Variants in HYCC2 observed in about 807,000 individuals in gnomAD.
The protein encoded by HYCC2 is hyccin PI4KA lipid kinase complex subunit 2, also known as hyccin 2.
chr2:201,048,422 G>A, the HYCC2 span, among the ~76,000 whole-genome samples: 1 of 151,770 alleles, frequency 6.6e-6, no homozygotes, highest in African/African-American at 2.4e-5. Context: ...TCACAGCCCA[G>A]GGAGGGCTTT....
the HYCC2 span, chr2:200,974,775 T>C: frequency 5.4e-4 from 82 of 152,114 alleles, no homozygotes; most frequent in African/African-American, 1.9e-3. Context: ...TTGAAATAAA[T>C]CATTTAGTTC....
At chr2:201,020,422 G>C in the HYCC2 span, among the ~76,000 whole-genome samples, 4 of 152,020 alleles carry the variant, frequency 2.6e-5, no homozygotes, top group African/African-American at 9.7e-5. Flanking sequence ...AGTAGACAGA[G>C]GCTATGAATA....
the HYCC2 span, among the ~76,000 whole-genome samples, chr2:201,017,429 A>C: frequency 3.9e-5 from 6 of 152,170 alleles, no homozygotes; most frequent in Non-Finnish European, 7.3e-5. Flanking sequence ...CTAGATTATT[A>C]GTCCTTTAGC....
chr2:200,987,435 C>A, the HYCC2 span: 1 of 1,289,816 alleles, frequency 7.8e-7, no homozygotes, highest in Non-Finnish European at 1.0e-6. Flanking sequence ...CCAGCACCTC[C>A]CCCTCTTGCA....
the HYCC2 span, among the ~76,000 whole-genome samples, chr2:201,015,637 A>G: frequency 2.0e-5 from 3 of 152,154 alleles, no homozygotes; most frequent in South Asian, 2.1e-4. Context: ...ATATAATACA[A>G]TTCTTCTGTT....
At chr2:201,036,064 A>ACCACCGATC in the HYCC2 span, among the ~76,000 whole-genome samples, 2 of 152,158 alleles carry the variant, frequency 1.3e-5, no homozygotes, top group Admixed American at 6.6e-5. Context: ...AGGGGATATC[A>ACCACCGATC]CCACCGATCC....
chr2:201,042,155 G>A, the HYCC2 span, among the ~76,000 whole-genome samples: 2 of 152,196 alleles, frequency 1.3e-5, no homozygotes, highest in Non-Finnish European at 2.9e-5. Context: ...ACAGGGTTTC[G>A]CCGTGTTGGC....
At chr2:200,992,681 C>G in the HYCC2 span, among the ~76,000 whole-genome samples, 1 of 152,098 alleles carries the variant, frequency 6.6e-6, no homozygotes, top group Admixed American at 6.6e-5. Context: ...GAAAACCTGA[C>G]AATTTCTAGA....
the HYCC2 span, among the ~76,000 whole-genome samples, chr2:201,006,521 C>G: frequency 4.6e-5 from 7 of 151,942 alleles, no homozygotes; most frequent in South Asian, 1.5e-3. Flanking sequence ...AGAGATGATA[C>G]TATTAGCTCA....
chr2:201,054,968 G>A, the HYCC2 span, among the ~76,000 whole-genome samples: 1 of 152,112 alleles, frequency 6.6e-6, no homozygotes, highest in African/African-American at 2.4e-5. Flanking sequence ...CCTAGCCTAT[G>A]TTGAATTTTA....
the HYCC2 span, chr2:201,022,895 G>T: frequency 6.2e-7 from 1 of 1,613,702 alleles, no homozygotes. Context: ...CCGGTGTAAA[G>T]TTGCTGCATA....
the HYCC2 span, among the ~76,000 whole-genome samples, chr2:201,013,608 A>T: frequency 6.6e-6 from 1 of 152,238 alleles, no homozygotes; most frequent in African/African-American, 2.4e-5. Flanking sequence ...TTACATGTGA[A>T]TAATGACCAT....
the HYCC2 span, among the ~76,000 whole-genome samples, chr2:201,003,789 T>G: frequency 6.6e-6 from 1 of 150,626 alleles, no homozygotes; most frequent in Admixed American, 6.6e-5. Flanking sequence ...GTTTGGGTTT[T>G]TTGTTGTTGT....
At chr2:201,030,019 C>T in the HYCC2 span, among the ~76,000 whole-genome samples, 163 of 152,246 alleles carry the variant, frequency 1.1e-3, no homozygotes, top group Non-Finnish European at 1.7e-3. Context: ...CTCAAGACTT[C>T]AAGGCTCCAG....
chr2:201,050,709 A>AGAT, the HYCC2 span, among the ~76,000 whole-genome samples: 6 of 151,996 alleles, frequency 3.9e-5, no homozygotes, highest in East Asian at 1.2e-3. Context: ...TGAGGCAGGC[A>AGAT]GATCACTTAA....
chr2:201,062,865 A>AAT, the HYCC2 span, among the ~76,000 whole-genome samples: 2 of 148,268 alleles, frequency 1.3e-5, no homozygotes, highest in African/African-American at 4.9e-5. Context: ...TTATATATAT[A>AAT]ATATATATAA....
the HYCC2 span, chr2:201,063,167 G>T: frequency 8.1e-6 from 13 of 1,610,368 alleles, no homozygotes; most frequent in Non-Finnish European, 1.1e-5. Flanking sequence ...TGAAACAACC[G>T]ATGAGAGCCT....
chr2:201,061,296 G>C, the HYCC2 span: 1 of 152,126 alleles, frequency 6.6e-6, no homozygotes, highest in Non-Finnish European at 1.5e-5. Context: ...GCCAAGCATG[G>C]TGGCACATGC....
the HYCC2 span, chr2:201,023,876 T>A: frequency 9.7e-7 from 1 of 1,028,056 alleles, no homozygotes; most frequent in African/African-American, 1.6e-5. Context: ...GAGCACATAA[T>A]GTTTCTCCAT....
Sources: gnomAD v4.1 joint callset for allele counts (sites outside exome capture counted in the v4.1 genomes callset) on GRCh38, gnomAD v4.1.1 for gene constraint, MANE v1.5 for transcripts, NCBI Gene and HGNC (gene_info 2026-07-23, HGNC 2026-07-21) for gene names.